The following IFTAP variants were observed in gnomAD, a reference collection of about 807,000 sequenced individuals.
IFTAP encodes the protein intraflagellar transport-associated protein.
Under a neutral mutation model 19.4 loss-of-function variants are expected in IFTAP, and 19 were observed. The observed-to-expected ratio is 0.98, with a 90% CI of 0.68 to 1.44. The LOEUF is 1.44. IFTAP is among the 40% of genes most tolerant of loss of function. IFTAP has a pLI of 0.00. For missense variants in IFTAP, 240 were observed against 253.6 expected (o/e 0.95, Z 0.36); for synonymous variants, 85 against 83.5 (o/e 1.02, Z -0.10).
In IFTAP at chr11:36,645,949, A is replaced by T. The variant is rs145050208; in HGVS notation, c.359-2067A>T. Among the ~76,000 whole-genome samples, 1,104 of 152,280 alleles carry T rather than the reference A, an allele frequency of 7.2e-3. 11 individuals carry two copies. Among genetic ancestry groups the T allele is most frequent in the African/African-American group, 0.025 (1,045 of 41,556 alleles). The stretch of plus-strand genomic sequence containing the variant: ...TATTTGTTGGGAATTCACTATGTAT[A>T]AGGTGCTATGTTAGGCACTAATAGA... On this transcript the variant is annotated intron_variant, in intron 4 of 5. Transcript: ENST00000334307.
chr11:36,605,894 T>G (rs1295576947), intron 1 of IFTAP, among the ~76,000 whole-genome samples: 1 of 149,488 alleles, frequency 6.7e-6, no homozygotes, highest in Non-Finnish European at 1.5e-5. Flanking sequence ...TCTCTCCCCC[T>G]CTTTTTCTTT....
At chr11:36,653,084 A>C (rs1489514143) in intron 5 of IFTAP, among the ~76,000 whole-genome samples, 1 of 152,142 alleles carries the variant, frequency 6.6e-6, no homozygotes, top group Non-Finnish European at 1.5e-5. Flanking sequence ...AATTCATAAT[A>C]GGACTCTAAA....
chr11:36,643,194 T>A (rs1025370102), intron 4 of IFTAP, among the ~76,000 whole-genome samples: 16 of 152,170 alleles, frequency 1.1e-4, no homozygotes, highest in Admixed American at 2.6e-4. Flanking sequence ...ACAAGCATTC[T>A]TATACACCAA....
intron 2 of IFTAP, among the ~76,000 whole-genome samples, chr11:36,611,599 A>T (rs1426040952): frequency 1.3e-5 from 2 of 150,742 alleles, no homozygotes; most frequent in African/African-American, 5.0e-5. Flanking sequence ...TATAACGAAA[A>T]GAAAATATGA....
At position 36,594,512 on chromosome 11, in the gene IFTAP, T is replaced by C; in HGVS notation, c.-104T>C. 1 of 317,630 alleles carries C rather than the reference T, an allele frequency of 3.1e-6. No individual in the cohort carries two copies. Among genetic ancestry groups the C allele is most frequent in the Non-Finnish European group, 5.9e-6 (1 of 169,674 alleles). The allele number at this position is 317,630 out of a possible 1,614,324, so 19.7% of individuals were successfully genotyped here. ...TCCCAAGAATCCGTTCTCTCTGGGA[T>C]GTGTAGCTTTGGAAATCTGTCTTTG... On this transcript the variant is annotated 5_prime_UTR_variant, in exon 1 of 6. An upstream start codon of the reference 5' UTR is lost. Coordinates refer to ENST00000334307, the MANE Select transcript of IFTAP (RefSeq NM_138787.4).
chr11:36,655,818 T>C (rs1853959628), intron 5 of IFTAP, among the ~76,000 whole-genome samples: 1 of 152,206 alleles, frequency 6.6e-6, no homozygotes, highest in Non-Finnish European at 1.5e-5. Context: ...TATATTTTTA[T>C]ACATTGAAGG....
chr11:36,633,233 C>T, intron 2 of IFTAP, 51 bp from the exon 3 acceptor site: 1 of 1,367,060 alleles, frequency 7.3e-7, no homozygotes, highest in Non-Finnish European at 9.5e-7. Context: ...CAAAATAAAC[C>T]AGACTTGGTA....
At chr11:36,622,373 TG>T (rs1481271615) in intron 2 of IFTAP, among the ~76,000 whole-genome samples, 2 of 152,126 alleles carry the variant, frequency 1.3e-5, no homozygotes, top group African/African-American at 4.8e-5. Context: ...TGCAACTTTT[TG>T]TGGTAGGCAA....
intron 2 of IFTAP, among the ~76,000 whole-genome samples, chr11:36,621,569 A>G (rs183781128): frequency 1.1e-4 from 16 of 152,088 alleles, no homozygotes; most frequent in Non-Finnish European, 8.8e-5. Context: ...TTTGTTGTAT[A>G]TGAACTACTG....
At position 36,628,998 on chromosome 11, in the gene IFTAP, G is replaced by C. The variant is rs150016830; in HGVS notation, c.137-4286G>C. ...TTCAGAGCACTGCAAAGGGAATTTA[G>C]ACAAAGCATTTGTCTGCCGAATTTA... On this transcript the variant is annotated intron_variant, in intron 2 of 5. Transcript: ENST00000334307. 1.8e-3 allele frequency among the ~76,000 whole-genome samples: 274 copies of C among 151,494 alleles called. 20 individuals are homozygous for C. The highest frequency in any genetic ancestry group is 6.4e-3 in the African/African-American group (260 of 40,780).
intron 2 of IFTAP, among the ~76,000 whole-genome samples, chr11:36,613,854 G>C (rs1565010141): frequency 6.6e-6 from 1 of 151,740 alleles, no homozygotes; most frequent in Non-Finnish European, 1.5e-5. Context: ...TCTTCAAGAC[G>C]AATATGTAGC....
At chr11:36,627,955 G>T (rs1268072725) in intron 2 of IFTAP, among the ~76,000 whole-genome samples, 1 of 151,134 alleles carries the variant, frequency 6.6e-6, no homozygotes, top group Non-Finnish European at 1.5e-5. Flanking sequence ...TAACCAGTTG[G>T]AGATAGTGCC....
Position 36,655,239 on chromosome 11 carries a change from C to T in IFTAP, c.499-3780C>T, listed in dbSNP as rs188236007. Among the ~76,000 whole-genome samples, 38 of 152,218 alleles carry T rather than the reference C, an allele frequency of 2.5e-4. No homozygotes were observed. The East Asian group carries it at 6.8e-3, about 27-fold the overall frequency. ...AAATTCTGCATCTTATTTCCATGGT[C>T]TGCTCATGGAAACTCCCCGTCAGCA... is the stretch of plus-strand genomic sequence containing the variant. On this transcript the variant is annotated intron_variant, in intron 5 of 5. Coordinates refer to ENST00000334307, the MANE Select transcript of IFTAP (RefSeq NM_138787.4).
intron 5 of IFTAP, among the ~76,000 whole-genome samples, chr11:36,658,201 T>C (rs988641843): frequency 6.6e-6 from 1 of 152,226 alleles, no homozygotes; most frequent in Non-Finnish European, 1.5e-5. Context: ...AGCATCACTA[T>C]GCATATTGTG....
chr11:36,627,749 G>C (rs1439650007), intron 2 of IFTAP, among the ~76,000 whole-genome samples: 2 of 151,016 alleles, frequency 1.3e-5, no homozygotes, highest in Non-Finnish European at 2.9e-5. Context: ...CATTTTATGG[G>C]ATGGGTATGT....
intron 2 of IFTAP, among the ~76,000 whole-genome samples, chr11:36,632,811 C>T (rs555882048): frequency 2.0e-5 from 3 of 151,094 alleles, no homozygotes; most frequent in Non-Finnish European, 2.9e-5. Context: ...TGCATGGATA[C>T]GTAAAAAATA....
At chr11:36,655,734 C>T (rs117719991) in intron 5 of IFTAP, among the ~76,000 whole-genome samples, 5,173 of 152,248 alleles carry the variant, frequency 0.034, 131 homozygotes, top group Non-Finnish European at 0.049. Context: ...CAGTATCTAA[C>T]TGATTGCCTA....
chr11:36,616,031 C>T (rs1039769102), intron 2 of IFTAP, among the ~76,000 whole-genome samples: 14 of 151,932 alleles, frequency 9.2e-5, no homozygotes, highest in African/African-American at 3.4e-4. Context: ...GTTGCTGTCA[C>T]ACAGAGATTG....
chr11:36,596,222 G>T (rs200822437), intron 1 of IFTAP, among the ~76,000 whole-genome samples: 14,122 of 116,680 alleles, frequency 0.12, 886 homozygotes, highest in African/African-American at 0.2. Context: ...TTTTTTTTTT[G>T]TTTTTTTTTT....
Sources: allele counts gnomAD v4.1 joint callset (sites outside exome capture counted in the v4.1 genomes callset), GRCh38; gene constraint gnomAD v4.1.1; transcripts MANE v1.5; gene names NCBI Gene and HGNC (gene_info 2026-07-23, HGNC 2026-07-21).